The following KAZN variants were observed in gnomAD, a reference collection of about 807,000 sequenced individuals.
KAZN encodes kazrin.
Under a neutral mutation model 87.4 loss-of-function variants are expected in KAZN, and 40 were observed. The observed-to-expected ratio is 0.46, with a 90% confidence interval of 0.36 to 0.60. KAZN has a LOEUF of 0.60. Among genes scored for constraint, KAZN ranks in the 20% least tolerant of loss-of-function variants. KAZN has a pLI of 0.00. For synonymous variants in KAZN, 466 were observed against 458.3 expected (o/e 1.02, Z -0.22); for missense variants, 898 against 1,073.9 (o/e 0.84, Z 2.29).
chr1:13,894,936 C>T (rs927748537), intron 1 of KAZN, among the ~76,000 whole-genome samples: 2 of 152,182 alleles, frequency 1.3e-5, no homozygotes, highest in African/African-American at 4.8e-5. Context: ...GAGCTGACTG[C>T]TGGGTTGGGG....
In KAZN at chr1:14,147,625, C is replaced by G. The variant is rs757663264; in HGVS notation, c.92-32810C>G. Among the ~76,000 whole-genome samples, 5 of 151,906 alleles carry G rather than the reference C, an allele frequency of 3.3e-5. No individual in the cohort carries two copies. The East Asian group carries it at 5.8e-4, about 18-fold the overall frequency. Reference sequence around the variant, plus strand: ...TGGCCAACATGGTGAAACCCCATCTCTACTAAAAAAATATATAAAAATTAG... The same window carrying G: ...TGGCCAACATGGTGAAACCCCATCTGTACTAAAAAAATATATAAAAATTAG... On this transcript the variant is annotated intron_variant, in intron 1 of 16. Coordinates refer to the KAZN transcript ENST00000636203.
chr1:14,983,724 C>T (rs1425609995), intron 2 of KAZN, among the ~76,000 whole-genome samples: 2 of 151,630 alleles, frequency 1.3e-5, no homozygotes, highest in Non-Finnish European at 2.9e-5. Flanking sequence ...GGTGGATCAC[C>T]TAAGGTCAGG....
intron 1 of KAZN, among the ~76,000 whole-genome samples, chr1:14,786,004 G>A (rs1310268976): frequency 1.3e-5 from 2 of 152,134 alleles, no homozygotes; most frequent in Non-Finnish European, 2.9e-5. Context: ...TGTTAATAAT[G>A]ATCTTGCAGA....
intron 1 of KAZN, among the ~76,000 whole-genome samples, chr1:14,715,590 T>TACTG (rs1642751706): frequency 6.6e-6 from 1 of 152,188 alleles, no homozygotes; most frequent in Admixed American, 6.5e-5. Flanking sequence ...GATGAGCCAG[T>TACTG]AATGGATGTT....
intron 1 of KAZN, among the ~76,000 whole-genome samples, chr1:14,790,781 C>A (rs1366617949): frequency 6.6e-6 from 1 of 152,160 alleles, no homozygotes; most frequent in African/African-American, 2.4e-5. Flanking sequence ...CAAATTCTTC[C>A]TCCCAGGCTC....
chr1:14,367,030 G>C (rs533941417), intron 2 of KAZN, among the ~76,000 whole-genome samples: 67 of 152,226 alleles, frequency 4.4e-4, no homozygotes, highest in Non-Finnish European at 7.1e-4. Flanking sequence ...AGGAGTTCAA[G>C]ACTAGCCTGG....
At chr1:15,043,329 G>A (rs975759742) in intron 3 of KAZN, among the ~76,000 whole-genome samples, 1 of 152,188 alleles carries the variant, frequency 6.6e-6, no homozygotes, top group Non-Finnish European at 1.5e-5. Flanking sequence ...CTGTCAGACT[G>A]TGTTAAGTAT....
At chr1:14,564,304 T>C (rs1257120844) in intron 2 of KAZN, among the ~76,000 whole-genome samples, 1 of 152,116 alleles carries the variant, frequency 6.6e-6, no homozygotes, top group Non-Finnish European at 1.5e-5. Flanking sequence ...AAAATAAACC[T>C]GTGATTGTGA....
chr1:13,897,199 A>G (rs1639077357), intron 1 of KAZN, among the ~76,000 whole-genome samples: 1 of 152,092 alleles, frequency 6.6e-6, no homozygotes, highest in Non-Finnish European at 1.5e-5. Context: ...CTACAGTGGC[A>G]GAGTCAAGTA....
chr1:14,932,035 G>A (rs1231261818), intron 1 of KAZN, among the ~76,000 whole-genome samples: 4 of 152,304 alleles, frequency 2.6e-5, no homozygotes, highest in African/African-American at 7.2e-5. Context: ...GGTGGTAGCT[G>A]TTTGGATACC....
intron 1 of KAZN, among the ~76,000 whole-genome samples, chr1:14,627,905 T>C (rs1248159615): frequency 6.6e-6 from 1 of 152,188 alleles, no homozygotes; most frequent in Non-Finnish European, 1.5e-5. Flanking sequence ...AGGCGTCTAC[T>C]TGGCATTTGG....
Position 15,099,225 on chromosome 1 carries a change from C to G in KAZN, c.1548-2318C>G, listed in dbSNP as rs2100700478. On this transcript the variant is annotated intron_variant, in intron 10 of 14. Transcript: ENST00000376030. The surrounding 1 kb of genome is among the most constrained non-coding windows in gnomAD (Gnocchi z 5.4). ...AGTGAAGCCAAGCTGCAAGCCCATC[C>G]TGCTCTTAGCCATTATTCCAGGAAG... Among the ~76,000 whole-genome samples, 1 of 152,322 alleles carries G rather than the reference C, an allele frequency of 6.6e-6. No homozygotes were observed. The highest frequency in any genetic ancestry group is 1.9e-4 in the East Asian group (1 of 5,186).
At chr1:15,044,693 C>A (rs1673293030) in intron 4 of KAZN, among the ~76,000 whole-genome samples, 1 of 147,740 alleles carries the variant, frequency 6.8e-6, no homozygotes. Context: ...TGAGCCACTG[C>A]ACCCCAGCCT....
chr1:14,090,341 G>C (rs1643946936), intron 1 of KAZN, among the ~76,000 whole-genome samples: 1 of 151,744 alleles, frequency 6.6e-6, no homozygotes, highest in Non-Finnish European at 1.5e-5. Flanking sequence ...ATTTTGGAAA[G>C]TTTCTATTGC....
intron 1 of KAZN, among the ~76,000 whole-genome samples, chr1:14,663,883 G>A (rs1302827049): frequency 6.6e-6 from 1 of 152,184 alleles, no homozygotes; most frequent in Non-Finnish European, 1.5e-5. Context: ...TCATACTAGT[G>A]TTATTTTCAA....
At chr1:14,859,423 T>G (rs2101014601) in intron 1 of KAZN, among the ~76,000 whole-genome samples, 1 of 152,236 alleles carries the variant, frequency 6.6e-6, no homozygotes. Flanking sequence ...TTAAACCTAA[T>G]TCTCTTTTAT....
intron 1 of KAZN, among the ~76,000 whole-genome samples, chr1:14,015,639 C>T (rs1240528647): frequency 1.3e-5 from 2 of 148,546 alleles, no homozygotes; most frequent in Non-Finnish European, 3.0e-5. Context: ...TGCCACCACA[C>T]CCAGCTCACA....
At chr1:14,963,316 C>A (rs1664100798) in intron 2 of KAZN, among the ~76,000 whole-genome samples, 2 of 152,360 alleles carry the variant, frequency 1.3e-5, no homozygotes, top group East Asian at 3.9e-4. Context: ...TCACCTCAAT[C>A]CTGCCAGGAG....
chr1:15,015,807 T>C (rs1573069452), intron 2 of KAZN, among the ~76,000 whole-genome samples: 1 of 151,982 alleles, frequency 6.6e-6, no homozygotes, highest in Non-Finnish European at 1.5e-5. Flanking sequence ...GCTATCCCAC[T>C]CCAAGCCACT....
Sources: allele counts gnomAD v4.1 joint callset (sites outside exome capture counted in the v4.1 genomes callset), GRCh38; gene constraint gnomAD v4.1.1; non-coding constraint Gnocchi (gnomAD v3.1); transcripts MANE v1.5; gene names NCBI Gene and HGNC (gene_info 2026-07-23, HGNC 2026-07-21).